Variants in UBE4A observed in about 807,000 individuals in gnomAD.
The protein encoded by UBE4A is ubiquitination factor E4A, also known as ubiquitin conjugation factor E4 A.
A neutral mutation model predicts 117.9 loss-of-function variants in UBE4A; 48 were observed. The observed-to-expected ratio is 0.41, with a 90% CI of 0.32 to 0.52. UBE4A has a LOEUF of 0.52. Ranked by LOEUF, UBE4A falls within the 20% of genes least tolerant of loss-of-function variation. The probability of loss-of-function intolerance (pLI) is 0.33; values close to 1 mark genes in which losing one functional copy is unlikely to be tolerated. For missense variants in UBE4A, 1,067 were observed against 1,296.3 expected, an observed-to-expected ratio of 0.82 and a Z score of 2.72; for synonymous variants, 407 against 450.0, an observed-to-expected ratio of 0.90 and a Z score of 1.21.
intron 1 of UBE4A, among the ~76,000 whole-genome samples, chr11:118,361,009 T>G (rs946239507): frequency 0.034 from 3,067 of 89,496 alleles, 37 homozygotes; most frequent in Non-Finnish European, 0.053. Flanking sequence ...TGTGTGTGTA[T>G]TTTTTTTTTT....
chr11:118,389,015 C>CA (rs1329411243), intron 16 of UBE4A, among the ~76,000 whole-genome samples: 2 of 152,002 alleles, frequency 1.3e-5, no homozygotes, highest in South Asian at 4.1e-4. Flanking sequence ...AACAGCTGGG[C>CA]ACAGTGGCTC....
chr11:118,375,286 G>A (rs782097524), intron 9 of UBE4A, 57 bp downstream of exon 9: 16 of 1,431,666 alleles, frequency 1.1e-5, no homozygotes, highest in African/African-American at 1.4e-5. Context: ...AACGTGTAAA[G>A]CATTCACTCC....
Position 118,381,464 on chromosome 11 carries a change from A to G in UBE4A, c.1950A>G (p.Ser650=), listed in dbSNP as rs782474009. The change falls in exon 12 of 20, where the codon TCA becomes TCG. Residue 650 remains serine, a synonymous_variant. Transcript: ENST00000252108. ...TTGCCGATGACATTTTGGAGACATC[A>G]GCAGATTCCCTGGAGCATGTCCTTC... ...RRFADDILET[S]ADSLEHVLHF... The G allele has an allele frequency of 8.7e-5, 140 of 1,614,088 alleles. No homozygotes were observed. The highest frequency in any genetic ancestry group is 1.1e-4 in the Non-Finnish European group (135 of 1,180,026).
chr11:118,361,935 G>C (rs1223071161), intron 1 of UBE4A, among the ~76,000 whole-genome samples: 1 of 152,172 alleles, frequency 6.6e-6, no homozygotes, highest in Admixed American at 6.5e-5. Flanking sequence ...GTAATCAGAA[G>C]AGCTTACAGC....
At position 118,375,189 on chromosome 11, in the gene UBE4A, G is replaced by C. The variant is rs782156907; in HGVS notation, c.1410G>C (p.Leu470Phe). 6.8e-6 allele frequency: 11 copies of C among 1,610,276 alleles called. No individual in the cohort carries two copies. In the South Asian group the frequency reaches 1.2e-4, roughly 18 times the overall value. Residue 470 changes from leucine to phenylalanine, a missense_variant, in exon 9 of 20, where the codon TTG (leucine) becomes TTC (phenylalanine). Transcript: ENST00000252108. ...CCACATACTGTGCCCTCAAGGAGTT[G>C]AATGATGAAGAACGAAAAATTAAAA... ...FNPTYCALKE[L>F]NDEERKIKNV... is the part of the protein sequence containing the mutation.
chr11:118,388,023 T>C (rs1055373991), intron 16 of UBE4A, among the ~76,000 whole-genome samples: 4 of 152,114 alleles, frequency 2.6e-5, no homozygotes, highest in African/African-American at 7.2e-5. Flanking sequence ...ATGGAGAGTT[T>C]GGAAAGGATT....
At chr11:118,360,979 T>C (rs1948515534) in intron 1 of UBE4A, among the ~76,000 whole-genome samples, 2 of 145,108 alleles carry the variant, frequency 1.4e-5, no homozygotes, top group African/African-American at 2.6e-5. Context: ...CATATATGTA[T>C]GTATATATGT....
chr11:118,389,118 C>T (rs1441378939), intron 16 of UBE4A, among the ~76,000 whole-genome samples: 2 of 151,998 alleles, frequency 1.3e-5, no homozygotes, highest in African/African-American at 4.8e-5. Context: ...ATAGTGAGAC[C>T]CCATCTCATT....
Position 118,396,737 on chromosome 11 carries a change from A to C in UBE4A, c.*297A>C. The C allele has an allele frequency of 4.7e-6, 1 of 213,094 alleles. No homozygotes were observed. The highest frequency in any genetic ancestry group is 2.4e-5 in the African/African-American group (1 of 42,174). 13.2% of individuals were successfully genotyped at this position (213,094 alleles called of 1,614,324 possible). On this transcript the variant is annotated 3_prime_UTR_variant, in exon 20 of 20. Coordinates refer to ENST00000252108, the MANE Select transcript of UBE4A (RefSeq NM_001204077.2). ...CTTCATATTCTTCTTCCTTTTCCTA[A>C]ATGAAATTATATTATTTCAACTACT...
Position 118,374,887 on chromosome 11 carries a change from G to A in UBE4A, c.1117-9G>A. On this transcript the variant is annotated splice_polypyrimidine_tract_variant and intron_variant, in intron 8 of 19. Coordinates refer to ENST00000252108, the MANE Select transcript of UBE4A (RefSeq NM_001204077.2). Reference sequence around the variant, plus strand: ...AAACGTTCTGTGGTTGTGTTTTCTGGTTGAACAGTTCATGGCTCAGTTCCA... The same window carrying A: ...AAACGTTCTGTGGTTGTGTTTTCTGATTGAACAGTTCATGGCTCAGTTCCA... The A allele has an allele frequency of 6.7e-7, 1 of 1,498,994 alleles. No homozygotes were observed. Among genetic ancestry groups the A allele is most frequent in the South Asian group, 1.4e-5 (1 of 72,054 alleles). 92.9% of individuals were successfully genotyped at this position (1,498,994 alleles called of 1,614,324 possible).
In UBE4A at chr11:118,374,762, AG is replaced by A. The variant is rs1472867760; in HGVS notation, c.1117-130del. ...CAGAAATATATTTTAAAATCAAATT[AG>A]GGGATGAGGCACAGAGAGTGAGGGG... On this transcript the variant is annotated intron_variant, in intron 8 of 19. Coordinates refer to ENST00000252108, the MANE Select transcript of UBE4A (RefSeq NM_001204077.2). 78 of 775,448 alleles carry A rather than the reference AG, an allele frequency of 1.0e-4. No individual in the cohort carries two copies. In the African/African-American group the frequency reaches 1.3e-3, roughly 13 times the overall value. The allele number at this position is 775,448 out of a possible 1,614,324, so 48.0% of individuals were successfully genotyped here.
chr11:118,375,086 T>C lies in UBE4A; in HGVS notation c.1307T>C (p.Leu436Pro). 6.2e-7 allele frequency: 1 copy of C among 1,614,250 alleles called. No homozygotes were observed. The highest frequency in any genetic ancestry group is 2.2e-5 in the East Asian group (1 of 44,890). Residue 436 changes from leucine to proline, a missense_variant, in exon 9 of 20, where the codon CTG (leucine) becomes CCG (proline). By Grantham distance (98) the Leu-to-Pro change is moderately conservative. Transcript: ENST00000252108. ...ATGTATGCCTCAGATGCTTTCTTTC[T>C]GAATCTGGGTGCTGCTCTCCTGAAG... is the stretch of plus-strand genomic sequence containing the variant. ...FQMYASDAFF[L>P]NLGAALLKLC...
At chr11:118,372,811 G>T in intron 6 of UBE4A, 145 bp downstream of exon 6, 1 of 1,235,316 alleles carries the variant, frequency 8.1e-7, no homozygotes, top group South Asian at 1.4e-5. Flanking sequence ...TTGAGGTTGA[G>T]TACCAATAGA....
At chr11:118,369,385 C>G (rs993771886) in intron 3 of UBE4A, 38 bp from the exon 4 acceptor site, 12 of 1,470,768 alleles carry the variant, frequency 8.2e-6, no homozygotes, top group African/African-American at 6.9e-5. Flanking sequence ...AAAACAGAAG[C>G]ATTATCCTTA....
At position 118,382,585 on chromosome 11, in the gene UBE4A, G is replaced by T. The variant is rs1555126492; in HGVS notation, c.2010-4G>T. 5 of 1,527,722 alleles carry T rather than the reference G, an allele frequency of 3.3e-6. No individual in the cohort carries two copies. The highest frequency in any genetic ancestry group is 2.8e-5 in the African/African-American group (2 of 71,924). The allele number at this position is 1,527,722 out of a possible 1,614,324, so 94.6% of individuals were successfully genotyped here. On this transcript the variant is annotated splice_region_variant and splice_polypyrimidine_tract_variant and intron_variant, in intron 12 of 19. Coordinates refer to ENST00000252108, the MANE Select transcript of UBE4A (RefSeq NM_001204077.2). ...GCTCATCTTGCTTTTTGCCCATTTT[G>T]CAGAATGAAGAATCCCCACCTGAGG...
At chr11:118,362,650 A>G (rs1210946798) in intron 1 of UBE4A, among the ~76,000 whole-genome samples, 1 of 152,150 alleles carries the variant, frequency 6.6e-6, no homozygotes, top group Non-Finnish European at 1.5e-5. Context: ...TCTGTTTTCT[A>G]GTGTATGTTG....
At chr11:118,372,702 T>C (rs779172600) in intron 6 of UBE4A, 36 bp downstream of exon 6, 9 of 1,604,142 alleles carry the variant, frequency 5.6e-6, no homozygotes, top group Non-Finnish European at 7.6e-6. Flanking sequence ...GCTTCTACAT[T>C]TTGATTTTCA....
At chr11:118,373,780 A>G (rs1213606324) in intron 8 of UBE4A, 95 bp downstream of exon 8, 7 of 1,393,312 alleles carry the variant, frequency 5.0e-6, no homozygotes, top group Non-Finnish European at 6.7e-6. Context: ...CTCTCTGGGA[A>G]AGCAAATTGA....
chr11:118,383,747 A>G lies in UBE4A; in HGVS notation c.2198-888A>G, dbSNP rs78199596. On this transcript the variant is annotated intron_variant, in intron 13 of 19. Coordinates refer to ENST00000252108, the MANE Select transcript of UBE4A (RefSeq NM_001204077.2). The stretch of plus-strand genomic sequence containing the variant: ...TTTTTAAAGGGATATCTACCATCCA[A>G]TGATAAATACAACTAACATTTAAAG... Among the ~76,000 whole-genome samples the G allele has an allele frequency of 3.3e-3, 501 of 152,264 alleles. 4 individuals carry two copies. The highest frequency in any genetic ancestry group is 0.012 in the African/African-American group (478 of 41,554).
Sources: allele counts gnomAD v4.1 joint callset (sites outside exome capture counted in the v4.1 genomes callset), GRCh38; gene constraint gnomAD v4.1.1; transcripts MANE v1.5; gene names NCBI Gene and HGNC (gene_info 2026-07-23, HGNC 2026-07-21).